The following TET3 variants were observed in gnomAD, a reference collection of about 807,000 sequenced individuals.
The protein encoded by TET3 is methylcytosine dioxygenase TET3.
TET3 carries 19 observed loss-of-function variants against 141.4 expected under a neutral mutation model. That is an observed-to-expected ratio of 0.13 (90% CI 0.09 to 0.20). The LOEUF (loss-of-function observed/expected upper bound fraction) is 0.20. TET3 is among the 10% of genes least tolerant of loss of function. The pLI, the probability that TET3 is intolerant of heterozygous loss-of-function variation, is 1.00. For synonymous variants in TET3, 1,043 were observed against 980.9 expected, an observed-to-expected ratio of 1.06 and a Z score of -1.18; for missense variants, 1,874 against 2,356.9, an observed-to-expected ratio of 0.80 and a Z score of 4.24.
chr2:74,100,492 CGGTGGTGGA>C lies in TET3; in HGVS notation c.3706_3714del (p.Val1236_Glu1238del). 1 of 1,601,794 alleles carries C rather than the reference CGGTGGTGGA, an allele frequency of 6.2e-7. No individual in the cohort carries two copies. The highest frequency in any genetic ancestry group is 8.5e-7 in the Non-Finnish European group (1 of 1,174,352). ...AGCTCCTTCAAGTACAGCGGCAACG[CGGTGGTGGA>C]GAGCTACTCGGTGCTGGGCAACTGC... is the stretch of plus-strand genomic sequence containing the variant. On this transcript the variant is annotated inframe_deletion, in exon 12 of 12. Transcript: ENST00000409262.
At chr2:74,100,045 C>T (rs773185839) in intron 11 of TET3, among the ~76,000 whole-genome samples, 13 of 152,150 alleles carry the variant, frequency 8.5e-5, no homozygotes, top group African/African-American at 3.1e-4. Flanking sequence ...GCAGTGATCC[C>T]GACTGGGCTG....
At position 74,093,135 on chromosome 2, in the gene TET3, C is replaced by G. The variant is rs12713810; in HGVS notation, c.3129+144C>G. ...AGAAGTAAAGCGATATGATGTGGTTCTTTGATAAAAACCCCTTTTTTACAC... is the reference window on the plus strand; with the variant it reads ...AGAAGTAAAGCGATATGATGTGGTTGTTTGATAAAAACCCCTTTTTTACAC... On this transcript the variant is annotated intron_variant, in intron 9 of 11. Transcript: ENST00000409262. The surrounding 1 kb of genome is among the most constrained non-coding windows in gnomAD (Gnocchi z 4.2). The G allele has an allele frequency of 0.29, 226,408 of 788,492 alleles. 35,445 individuals carry two copies. The highest frequency in any genetic ancestry group is 0.46 in the African/African-American group (26,441 of 56,872). The allele number at this position is 788,492 out of a possible 1,614,324, so 48.8% of individuals were successfully genotyped here. A position where few individuals can be genotyped will look rare whatever the true frequency, so the allele number is the denominator to read the frequency against.
chr2:74,127,371 CATG>C, the TET3 span, among the ~76,000 whole-genome samples: 1 of 152,276 alleles, frequency 6.6e-6, no homozygotes, highest in East Asian at 1.9e-4. Context: ...GCTTTATTGA[CATG>C]ATGTTAATAA....
At position 74,101,194 on chromosome 2, in the gene TET3, C is replaced by T. The variant is rs1038496744; in HGVS notation, c.4406C>T (p.Pro1469Leu). 4.3e-6 allele frequency: 7 copies of T among 1,613,666 alleles called. No homozygotes were observed. The highest frequency in any genetic ancestry group is 5.9e-6 in the Non-Finnish European group (7 of 1,179,792). The change falls in exon 12 of 12, where the codon CCT becomes CTT. Residue 1469 changes from proline to leucine, a missense_variant. By Grantham distance (98) the Pro-to-Leu change is moderately conservative. This residue lies in a region of TET3 where 602 missense variants were observed against 590.2 expected (regional missense o/e 1.02). Coordinates refer to ENST00000409262, the MANE Select transcript of TET3 (RefSeq NM_001287491.2). This position sits in a 1 kb window ranked among gnomAD's most constrained non-coding sequence, Gnocchi z 8.5. Reference sequence around the variant, plus strand: ...TCTGGGGAGAGTCCTGCCATCGTCCCTGACAAGCTCAGTTCCTTTGGGGCC... The same window carrying T: ...TCTGGGGAGAGTCCTGCCATCGTCCTTGACAAGCTCAGTTCCTTTGGGGCC... ...FSSGESPAIVPDKLSSFGASC... is the reference protein window; with the variant it reads ...FSSGESPAIVLDKLSSFGASC...
chr2:74,030,386 G>A (rs1686613852), intron 3 of TET3, among the ~76,000 whole-genome samples: 2 of 152,024 alleles, frequency 1.3e-5, no homozygotes, highest in African/African-American at 4.8e-5. Context: ...ATAATTGCAG[G>A]TTTAGATGAG....
At chr2:74,031,604 A>G (rs569056635) in intron 3 of TET3, among the ~76,000 whole-genome samples, 2 of 152,260 alleles carry the variant, frequency 1.3e-5, no homozygotes, top group Admixed American at 1.3e-4. Context: ...TGTGCTCCCC[A>G]ATTTCCTGCC....
intron 4 of TET3, among the ~76,000 whole-genome samples, chr2:74,061,554 G>A (rs555200992): frequency 3.0e-5 from 4 of 135,366 alleles, no homozygotes; most frequent in Middle Eastern, 5.2e-3. Context: ...GGGCAGAGGC[G>A]CCCCTCACCT....
intron 4 of TET3, among the ~76,000 whole-genome samples, chr2:74,054,173 G>A (rs950334626): frequency 1.3e-5 from 2 of 152,128 alleles, no homozygotes; most frequent in Non-Finnish European, 2.9e-5. Flanking sequence ...GGCTGGAGAG[G>A]AGAGTTTCAG....
At chr2:74,123,715 C>A in the TET3 span, among the ~76,000 whole-genome samples, 1 of 152,046 alleles carries the variant, frequency 6.6e-6, no homozygotes, top group Non-Finnish European at 1.5e-5. Context: ...TCTGCCTGGC[C>A]GCCCATCGTC....
Position 74,046,249 on chromosome 2 carries a change from T to C in TET3, c.361-29T>C, listed in dbSNP as rs1687610812. 1.4e-6 allele frequency: 2 copies of C among 1,465,184 alleles called. No homozygotes were observed. Among genetic ancestry groups the C allele is most frequent in the Admixed American group, 2.5e-5 (1 of 39,546 alleles). 90.8% of individuals were successfully genotyped at this position (1,465,184 alleles called of 1,614,324 possible). On this transcript the variant is annotated intron_variant, in intron 3 of 11. Transcript: ENST00000409262. The surrounding 1 kb of genome is among the most constrained non-coding windows in gnomAD (Gnocchi z 4.3). ...TTTCAAATAGTGTGGTTCATTTTTT[T>C]CCTTTTTCCCCCTTCTCTCTCTCTT...
Position 74,101,308 on chromosome 2 carries a change from G to C in TET3, c.4520G>C (p.Arg1507Pro). The C allele has an allele frequency of 6.2e-7, 1 of 1,613,378 alleles. No individual in the cohort carries two copies. Among genetic ancestry groups the C allele is most frequent in the East Asian group, 2.2e-5 (1 of 44,870 alleles). ...CAGGCAGCTTCCCACTCTGGAGGACGGCTGCGAGGCAAACCGTGGAGCCCC... is the reference window on the plus strand; with the variant it reads ...CAGGCAGCTTCCCACTCTGGAGGACCGCTGCGAGGCAAACCGTGGAGCCCC... ...GQQAASHSGG[R>P]LRGKPWSPCK... The change falls in exon 12 of 12, where the codon CGG becomes CCG. Residue 1507 changes from arginine (R) to proline (P), a missense_variant. Coordinates refer to ENST00000409262, the MANE Select transcript of TET3 (RefSeq NM_001287491.2). This position sits in a 1 kb window ranked among gnomAD's most constrained non-coding sequence, Gnocchi z 8.5.
intron 10 of TET3, among the ~76,000 whole-genome samples, chr2:74,096,492 C>T (rs766119338): frequency 7.2e-5 from 11 of 152,158 alleles, no homozygotes; most frequent in African/African-American, 1.2e-4. Context: ...TCAGGCCGGG[C>T]GCAGGGGCTC....
intron 4 of TET3, among the ~76,000 whole-genome samples, chr2:74,071,813 A>G (rs916265722): frequency 1.3e-5 from 2 of 152,224 alleles, no homozygotes; most frequent in African/African-American, 4.8e-5. Flanking sequence ...ATCCAGCCAC[A>G]TCACTGTTTT....
At chr2:74,132,944 C>G in the TET3 span, among the ~76,000 whole-genome samples, 1 of 152,016 alleles carries the variant, frequency 6.6e-6, no homozygotes, top group Non-Finnish European at 1.5e-5. Context: ...GTCATCCAGG[C>G]TGGAGTGCAG....
intron 7 of TET3, among the ~76,000 whole-genome samples, chr2:74,088,301 G>T (rs1405380941): frequency 6.6e-6 from 1 of 152,134 alleles, no homozygotes. Flanking sequence ...TGATATTAGC[G>T]AGTGTGAAGT....
intron 4 of TET3, among the ~76,000 whole-genome samples, chr2:74,053,387 A>G (rs1262098952): frequency 6.6e-6 from 1 of 152,184 alleles, no homozygotes; most frequent in Non-Finnish European, 1.5e-5. Context: ...CGGAGAATGA[A>G]TGCAAATGAC....
At chr2:74,022,236 T>C (rs1207439715) in intron 3 of TET3, among the ~76,000 whole-genome samples, 3 of 152,014 alleles carry the variant, frequency 2.0e-5, no homozygotes, top group African/African-American at 7.2e-5. Context: ...GATTTGCAAA[T>C]CTTTCCTTGC....
At chr2:74,119,396 A>C in the TET3 span, among the ~76,000 whole-genome samples, 4 of 151,906 alleles carry the variant, frequency 2.6e-5, no homozygotes, top group Non-Finnish European at 5.9e-5. Flanking sequence ...TAAGAACTCA[A>C]GTCAATTGCT....
Position 74,101,682 on chromosome 2 carries a change from G to A in TET3, c.4894G>A (p.Glu1632Lys). 6.2e-7 allele frequency: 1 copy of A among 1,613,646 alleles called. No homozygotes were observed. The highest frequency in any genetic ancestry group is 8.5e-7 in the Non-Finnish European group (1 of 1,179,862). Residue 1632 changes from glutamate (E) to lysine (K), a missense_variant, in exon 12 of 12, where the codon GAG (glutamate) becomes AAG (lysine). Physicochemically the swap from Glu to Lys is moderately conservative, Grantham distance 56 (BLOSUM62 1). This residue lies in a region of TET3 where 602 missense variants were observed against 590.2 expected (regional missense o/e 1.02). Transcript: ENST00000409262. This position sits in a 1 kb window ranked among gnomAD's most constrained non-coding sequence, Gnocchi z 8.5. ...GGAGGAGAAGGGCGGTGGTGGTGCG[G>A]AGGAGGAAGAGGAGGAGCTGTGGTC... ...VKEEKGGGGAEEEEEELWSDS... is the reference protein window; with the variant it reads ...VKEEKGGGGAKEEEEELWSDS...
Sources: gnomAD v4.1 joint callset for allele counts (sites outside exome capture counted in the v4.1 genomes callset) on GRCh38, gnomAD v4.1.1 for gene constraint, gnomAD v4.1.1 regional missense constraint, Gnocchi (gnomAD v3.1) non-coding constraint, MANE v1.5 for transcripts, NCBI Gene and HGNC (gene_info 2026-07-23, HGNC 2026-07-21) for gene names.